Variants in DNAH8 observed in about 807,000 individuals in gnomAD.
DNAH8 encodes the protein dynein axonemal heavy chain 8.
Under a neutral mutation model 562.1 loss-of-function variants are expected in DNAH8, and 382 were observed. That is an observed-to-expected ratio of 0.68 (90% CI 0.63 to 0.74). The LOEUF is 0.74. DNAH8 is among the 30% of genes least tolerant of loss of function. The pLI is 0.00. For synonymous variants in DNAH8, 1,881 were observed against 1,919.4 expected (o/e 0.98, Z 0.52); for missense variants, 5,203 against 5,620.4 (o/e 0.93, Z 2.37).
intron 32 of DNAH8, among the ~76,000 whole-genome samples, chr6:38,835,128 G>A (rs762791046): frequency 1.3e-5 from 2 of 152,014 alleles, no homozygotes; most frequent in East Asian, 1.9e-4. Flanking sequence ...TGCTGAGCGC[G>A]TCTAGAGAAA....
At chr6:38,957,088 G>A (rs999347336) in intron 82 of DNAH8, among the ~76,000 whole-genome samples, 1 of 152,100 alleles carries the variant, frequency 6.6e-6, no homozygotes, top group African/African-American at 2.4e-5. Context: ...ATGAAGGATG[G>A]AAAAGATATT....
At chr6:38,727,814 CTCAAGATA>C (rs887435327) in intron 3 of DNAH8, among the ~76,000 whole-genome samples, 2 of 152,158 alleles carry the variant, frequency 1.3e-5, no homozygotes, top group African/African-American at 4.8e-5. Context: ...TTCAGCACTG[CTCAAGATA>C]GTCTCTTTTC....
chr6:38,942,992 G>C (rs562000369), intron 79 of DNAH8, among the ~76,000 whole-genome samples: 1 of 152,312 alleles, frequency 6.6e-6, no homozygotes, highest in African/African-American at 2.4e-5. Context: ...AAATAAAGAA[G>C]GCTGAACACA....
At chr6:38,945,766 A>G (rs746258599) in intron 80 of DNAH8, among the ~76,000 whole-genome samples, 178 bp downstream of exon 80, 1 of 152,048 alleles carries the variant, frequency 6.6e-6, no homozygotes, top group Non-Finnish European at 1.5e-5. Context: ...CTCAGGGTTA[A>G]CCTCTTCATA....
intron 23 of DNAH8, 42 bp from the exon 24 acceptor site, chr6:38,807,568 T>C: frequency 8.6e-7 from 1 of 1,161,238 alleles, no homozygotes; most frequent in Non-Finnish European, 1.2e-6. Flanking sequence ...TCTAGGTTTT[T>C]TGGAGGAGAG....
At chr6:38,856,175 AT>A (rs1373333245) in intron 41 of DNAH8, among the ~76,000 whole-genome samples, 1 of 151,930 alleles carries the variant, frequency 6.6e-6, no homozygotes, top group African/African-American at 2.4e-5. Flanking sequence ...GGTCAGCTTT[AT>A]TTTAGTTTCC....
chr6:38,977,269 C>T (rs149566969), intron 85 of DNAH8, among the ~76,000 whole-genome samples: 174 of 152,228 alleles, frequency 1.1e-3, no homozygotes, highest in African/African-American at 4.0e-3. Flanking sequence ...CACGAGGCAA[C>T]GCCGCACTAA....
intron 76 of DNAH8, among the ~76,000 whole-genome samples, chr6:38,934,489 T>C (rs142164835): frequency 1.4e-3 from 218 of 152,326 alleles, no homozygotes; most frequent in African/African-American, 5.0e-3. Flanking sequence ...GGAAGACTTT[T>C]TGAAAATGAT....
intron 82 of DNAH8, among the ~76,000 whole-genome samples, chr6:38,966,370 T>G (rs575805729): frequency 4.7e-4 from 72 of 152,312 alleles, no homozygotes; most frequent in African/African-American, 1.6e-3. Context: ...AAAAGGAATC[T>G]TAGTCCCAGA....
intron 17 of DNAH8, among the ~76,000 whole-genome samples, chr6:38,784,562 C>T (rs924213636): frequency 4.6e-5 from 7 of 152,138 alleles, no homozygotes; most frequent in Non-Finnish European, 1.0e-4. Context: ...ACCTTGTGTC[C>T]CCTACACCTT....
At chr6:38,724,153 T>C (rs1763015079) in intron 3 of DNAH8, among the ~76,000 whole-genome samples, 1 of 151,944 alleles carries the variant, frequency 6.6e-6, no homozygotes, top group Admixed American at 6.6e-5. Context: ...AAATTTTTTT[T>C]TGTATTTTTA....
intron 33 of DNAH8, among the ~76,000 whole-genome samples, chr6:38,838,467 C>T (rs1177337872): frequency 1.4e-5 from 2 of 146,670 alleles, no homozygotes; most frequent in Non-Finnish European, 3.0e-5. Flanking sequence ...GGCGCAATCT[C>T]GGCTCACTGC....
chr6:39,005,930 G>A (rs1238841544), intron 88 of DNAH8, among the ~76,000 whole-genome samples: 1 of 152,258 alleles, frequency 6.6e-6, no homozygotes, highest in Non-Finnish European at 1.5e-5. Flanking sequence ...CCAAGGGCGG[G>A]AGGGATTTGG....
intron 42 of DNAH8, 66 bp downstream of exon 42, chr6:38,857,808 T>C: frequency 3.9e-6 from 4 of 1,026,464 alleles, no homozygotes; most frequent in Non-Finnish European, 5.8e-6. Flanking sequence ...TTGTATATGT[T>C]GCCTAACTTA....
chr6:38,919,419 AT>A (rs983208271), intron 70 of DNAH8, among the ~76,000 whole-genome samples: 63 of 151,316 alleles, frequency 4.2e-4, no homozygotes, highest in East Asian at 1.5e-3. Context: ...GATTCTTAAT[AT>A]TTTTTTTTAA....
At chr6:38,911,999 G>T (rs758930163) in intron 66 of DNAH8, among the ~76,000 whole-genome samples, 2 of 152,116 alleles carry the variant, frequency 1.3e-5, no homozygotes, top group Non-Finnish European at 2.9e-5. Flanking sequence ...CAAAATAGAA[G>T]CAAAAACAAA....
At chr6:38,759,149 T>C (rs554965700) in intron 10 of DNAH8, among the ~76,000 whole-genome samples, 2 of 151,738 alleles carry the variant, frequency 1.3e-5, no homozygotes, top group African/African-American at 4.8e-5. Flanking sequence ...CAAAAAAAAA[T>C]TTTTTTAAGT....
chr6:38,864,292 A>G (rs1428853454), intron 45 of DNAH8, among the ~76,000 whole-genome samples: 2 of 152,220 alleles, frequency 1.3e-5, no homozygotes, highest in Non-Finnish European at 2.9e-5. Context: ...GCTAAGGATA[A>G]TAATAGATAC....
chr6:39,020,968 G>T (rs1293498932), intron 91 of DNAH8, among the ~76,000 whole-genome samples: 1 of 152,098 alleles, frequency 6.6e-6, no homozygotes, highest in African/African-American at 2.4e-5. Context: ...AAGTAGTGCT[G>T]CAATAAACAT....
Sources: gnomAD v4.1 joint callset for allele counts (sites outside exome capture counted in the v4.1 genomes callset) on GRCh38, gnomAD v4.1.1 for gene constraint, MANE v1.5 for transcripts, NCBI Gene and HGNC (gene_info 2026-07-23, HGNC 2026-07-21) for gene names.